The following RBM26 variants were observed in gnomAD, a reference collection of about 807,000 sequenced individuals.
RBM26 encodes RNA-binding protein 26.
RBM26 carries 30 observed loss-of-function variants against 123.6 expected under a neutral mutation model. That is an observed-to-expected ratio of 0.24 (90% CI 0.18 to 0.33). RBM26 has a LOEUF of 0.33. Ranked by LOEUF, RBM26 falls within the 10% of genes least tolerant of loss-of-function variation. The pLI, the probability that RBM26 is intolerant of heterozygous loss-of-function variation, is 1.00. For synonymous variants in RBM26, 400 were observed against 404.4 expected (o/e 0.99, Z 0.13); for missense variants, 947 against 1,203.6 (o/e 0.79, Z 3.15).
intron 1 of RBM26, among the ~76,000 whole-genome samples, chr13:79,384,672 T>C (rs1400898386): frequency 2.0e-5 from 3 of 152,054 alleles, no homozygotes; most frequent in Non-Finnish European, 4.4e-5. Flanking sequence ...ATATCTGGGG[T>C]GGAGAGGGAA....
At position 79,350,006 on chromosome 13, in the gene RBM26, A is replaced by C. The variant is rs1048754539; in HGVS notation, c.2058+3147T>G. Among the ~76,000 whole-genome samples the C allele has an allele frequency of 4.6e-5, 7 of 152,242 alleles. 1 individual carries two copies. The highest frequency in any genetic ancestry group is 1.7e-4 in the African/African-American group (7 of 41,542). The stretch of plus-strand genomic sequence containing the variant: ...CCATGCGCCCAGCCAAATCCCTCTA[A>C]ATCTTTTAACTAGCAAAGTTACACA... On this transcript the variant is annotated intron_variant, in intron 14 of 21. Coordinates refer to ENST00000438737, the MANE Select transcript of RBM26 (RefSeq NM_001366735.2).
intron 15 of RBM26, 140 bp from the exon 16 acceptor site, chr13:79,344,462 T>C (rs2071952557): frequency 1.2e-6 from 1 of 828,040 alleles, no homozygotes; most frequent in East Asian, 2.6e-5. Context: ...ACTTAAAATA[T>C]GTATGCAAGT....
intron 1 of RBM26, among the ~76,000 whole-genome samples, chr13:79,404,719 C>T (rs2079370313): frequency 2.6e-5 from 4 of 152,190 alleles, no homozygotes; most frequent in Admixed American, 2.6e-4. Context: ...AGATGTTACT[C>T]CAATGTCACC....
In RBM26 at chr13:79,405,689, C is replaced by T. The variant is rs1034438792; in HGVS notation, c.71+15G>A. On this transcript the variant is annotated intron_variant, in intron 1 of 21. Transcript: ENST00000438737. ...CACTGCCATCCCTGCAAAGAGATAT[C>T]CCCCGGATACTCACATGGGCTCGAG... The T allele has an allele frequency of 1.3e-6, 2 of 1,568,690 alleles. No individual in the cohort carries two copies. Among genetic ancestry groups the T allele is most frequent in the South Asian group, 1.1e-5 (1 of 88,302 alleles).
rs11318596 is a variant in RBM26, at chr13:79,386,096, T to TA, written c.72-7190dup. ...AAATTAAATACCATATTTTTAAAAT[T>TA]AAAAAAAAAAACACAAAAACTATTT... On this transcript the variant is annotated intron_variant, in intron 1 of 21. Transcript: ENST00000438737. Among the ~76,000 whole-genome samples the TA allele has an allele frequency of 5.7e-3, 839 of 147,290 alleles. 4 individuals are homozygous for TA. Among genetic ancestry groups the TA allele is most frequent in the Non-Finnish European group, 8.0e-3 (529 of 66,318 alleles).
intron 2 of RBM26, 59 bp from the exon 3 acceptor site, chr13:79,377,574 T>C (rs967907456): frequency 1.6e-6 from 2 of 1,269,948 alleles, no homozygotes; most frequent in Non-Finnish European, 2.3e-6. Flanking sequence ...AATTCCCCGC[T>C]TCCACATCTC....
At chr13:79,343,981 C>G (rs1289111558) in intron 16 of RBM26, among the ~76,000 whole-genome samples, 1 of 151,860 alleles carries the variant, frequency 6.6e-6, no homozygotes, top group Non-Finnish European at 1.5e-5. Context: ...AAAAAGGTTC[C>G]ATTTAATTAT....
intron 9 of RBM26, among the ~76,000 whole-genome samples, chr13:79,365,184 T>C (rs1167297661): frequency 2.0e-5 from 3 of 152,164 alleles, no homozygotes; most frequent in African/African-American, 7.2e-5. Flanking sequence ...GGCTCAAGCC[T>C]ATAATCCCAG....
Position 79,366,701 on chromosome 13 carries a change from G to C in RBM26, c.1067C>G (p.Pro356Arg), listed in dbSNP as rs757657138. 1.2e-6 allele frequency: 2 copies of C among 1,609,466 alleles called. No individual in the cohort carries two copies. The highest frequency in any genetic ancestry group is 1.1e-5 in the South Asian group (1 of 90,544). The part of the protein sequence containing the change: ...LPPPPPILTP[P>R]PVNLRPPVPP... ...TACTGGGGGCCTGAGATTCACAGGTGGGGGTGTAAGAATTGGTGGAGGTGG... is the reference window on the plus strand; with the variant it reads ...TACTGGGGGCCTGAGATTCACAGGTCGGGGTGTAAGAATTGGTGGAGGTGG... The change falls in exon 7 of 22, where the codon CCA becomes CGA. Residue 356 changes from proline to arginine, a missense_variant. Physicochemically the swap from Pro to Arg is moderately radical, Grantham distance 103 (BLOSUM62 -2). Transcript: ENST00000438737.
chr13:79,386,637 T>C (rs988961073), intron 1 of RBM26, among the ~76,000 whole-genome samples: 1 of 140,460 alleles, frequency 7.1e-6, no homozygotes, highest in African/African-American at 2.6e-5. Flanking sequence ...TGGTAACCCA[T>C]GACTAACCTT....
At position 79,319,717 on chromosome 13, in the gene RBM26, T is replaced by G. The variant is rs2067464475; in HGVS notation, c.*904A>C. The G allele has an allele frequency of 1.0e-6, 1 of 983,542 alleles. No individual in the cohort carries two copies. Among genetic ancestry groups the G allele is most frequent in the African/African-American group, 1.8e-5 (1 of 57,108 alleles). The allele number at this position is 983,542 out of a possible 1,614,324, so 60.9% of individuals were successfully genotyped here. ...CTGCTTTTAAATTTTAAGACATTTG[T>G]TGAAAATTTATAGGATCAAACCAAA... On this transcript the variant is annotated 3_prime_UTR_variant, in exon 22 of 22. Coordinates refer to ENST00000438737, the MANE Select transcript of RBM26 (RefSeq NM_001366735.2).
chr13:79,386,807 T>C (rs897015522), intron 1 of RBM26, among the ~76,000 whole-genome samples: 3 of 151,800 alleles, frequency 2.0e-5, no homozygotes, highest in African/African-American at 7.3e-5. Context: ...GTTACTAAAA[T>C]GAGAGAGCAG....
intron 18 of RBM26, among the ~76,000 whole-genome samples, chr13:79,338,953 T>C (rs1050339609): frequency 3.3e-5 from 5 of 152,112 alleles, no homozygotes; most frequent in African/African-American, 9.7e-5. Context: ...ACTGTACAGA[T>C]GGGGTGTAGG....
At chr13:79,387,618 G>GA (rs1421512041) in intron 1 of RBM26, among the ~76,000 whole-genome samples, 2 of 150,208 alleles carry the variant, frequency 1.3e-5, no homozygotes, top group African/African-American at 4.9e-5. Context: ...TCATTTTTGT[G>GA]AAAAAATATT....
rs190460868 is a variant in RBM26 at position 79,355,051 on chromosome 13, C to A, written c.1854+169G>T. Reference sequence around the variant, plus strand: ...AATTAACATCACAATTATGAGAGAACAGGTTAGAAAGGTTGAGTAAATTTT... The same window carrying A: ...AATTAACATCACAATTATGAGAGAAAAGGTTAGAAAGGTTGAGTAAATTTT... On this transcript the variant is annotated intron_variant, in intron 12 of 21. Transcript: ENST00000438737. Among the ~76,000 whole-genome samples, 5 of 152,260 alleles carry A rather than the reference C, an allele frequency of 3.3e-5. No homozygotes were observed. The East Asian group carries it at 9.7e-4, about 29-fold the overall frequency.
intron 20 of RBM26, among the ~76,000 whole-genome samples, chr13:79,328,479 A>G (rs1223827731): frequency 6.6e-6 from 1 of 151,806 alleles, no homozygotes; most frequent in Non-Finnish European, 1.5e-5. Flanking sequence ...CTTCAAAGAA[A>G]AAAAAAAGCC....
rs925936399 is a variant in RBM26 at position 79,337,272 on chromosome 13, G to C, written c.2563C>G (p.Arg855Gly). ...AAKRGILSSG[R>G]GRGIHSRGRG... is the part of the protein sequence containing the mutation. ...CCTCTTGAATGAATTCCTCTGCCCC[G>C]ACCAGATGAAAGAATCCCTCGTTTG... Residue 855 changes from arginine to glycine, a missense_variant, in exon 19 of 22, where the codon CGG (arginine) becomes GGG (glycine). Transcript: ENST00000438737. 7 of 1,614,044 alleles carry C rather than the reference G, an allele frequency of 4.3e-6. No homozygotes were observed. The highest frequency in any genetic ancestry group is 1.6e-4 in the Middle Eastern group (1 of 6,062).
chr13:79,395,286 A>G (rs1382721415), intron 1 of RBM26, among the ~76,000 whole-genome samples: 1 of 152,210 alleles, frequency 6.6e-6, no homozygotes, highest in Non-Finnish European at 1.5e-5. Flanking sequence ...AAAAATGCTA[A>G]AGAATTTACT....
intron 20 of RBM26, among the ~76,000 whole-genome samples, chr13:79,333,469 A>G (rs1316910301): frequency 6.6e-6 from 1 of 152,264 alleles, no homozygotes; most frequent in African/African-American, 2.4e-5. Flanking sequence ...TTCACTACAA[A>G]GAGGATAAAT....
Sources: gnomAD v4.1 joint callset for allele counts (sites outside exome capture counted in the v4.1 genomes callset) on GRCh38, gnomAD v4.1.1 for gene constraint, MANE v1.5 for transcripts, NCBI Gene and HGNC (gene_info 2026-07-23, HGNC 2026-07-21) for gene names.